Variants in SYNDIG1L observed in about 807,000 individuals in gnomAD.
SYNDIG1L encodes synapse differentiation inducing 1 like.
A neutral mutation model predicts 20.1 loss-of-function variants in SYNDIG1L; 13 were observed. The ratio of observed to expected loss-of-function variants is 0.65; its 90% CI spans 0.42 to 1.03. The LOEUF is 1.03. Among genes scored for constraint, SYNDIG1L ranks in the 50% least tolerant of loss-of-function variants. The pLI is 0.00. For synonymous variants in SYNDIG1L, 128 were observed against 129.3 expected, an observed-to-expected ratio of 0.99 and a Z score of 0.07; for missense variants, 294 against 305.1, an observed-to-expected ratio of 0.96 and a Z score of 0.27.
the SYNDIG1L span, among the ~76,000 whole-genome samples, chr14:74,469,537 A>T: frequency 6.6e-6 from 1 of 151,966 alleles, no homozygotes; most frequent in Non-Finnish European, 1.5e-5. Flanking sequence ...AAAGAAGAAG[A>T]AGAAAATGTG....
intron 2 of SYNDIG1L, 146 bp downstream of exon 2, chr14:74,409,182 A>C (rs2086109957): frequency 4.0e-6 from 2 of 503,036 alleles, no homozygotes; most frequent in Non-Finnish European, 3.4e-6. Context: ...GGGCTCAAGC[A>C]ATCCTCTCAC....
chr14:74,458,693 C>T, the SYNDIG1L span, among the ~76,000 whole-genome samples: 1 of 151,328 alleles, frequency 6.6e-6, no homozygotes, highest in African/African-American at 2.4e-5. Flanking sequence ...ATTATAGCAT[C>T]ACCCAGAAAA....
At chr14:74,443,757 G>T in the SYNDIG1L span, among the ~76,000 whole-genome samples, 1 of 152,200 alleles carries the variant, frequency 6.6e-6, no homozygotes, top group Admixed American at 6.5e-5. Context: ...TGGCTGAAAA[G>T]GGAAGAGATT....
intron 1 of SYNDIG1L, among the ~76,000 whole-genome samples, chr14:74,420,759 AC>A (rs1405792778): frequency 6.6e-6 from 1 of 152,220 alleles, no homozygotes; most frequent in Non-Finnish European, 1.5e-5. Context: ...CCTGTGGAAA[AC>A]AAAAAAGAAT....
At chr14:74,470,129 T>C in the SYNDIG1L span, among the ~76,000 whole-genome samples, 1 of 152,130 alleles carries the variant, frequency 6.6e-6, no homozygotes, top group Non-Finnish European at 1.5e-5. Context: ...TCACCTCTAA[T>C]TTCTCTGGCA....
chr14:74,463,653 C>T, the SYNDIG1L span, among the ~76,000 whole-genome samples: 1 of 152,172 alleles, frequency 6.6e-6, no homozygotes, highest in African/African-American at 2.4e-5. Context: ...ATCCATCAAC[C>T]TCAGATGGAG....
At chr14:74,443,436 C>T in the SYNDIG1L span, among the ~76,000 whole-genome samples, 98 of 152,090 alleles carry the variant, frequency 6.4e-4, no homozygotes, top group African/African-American at 2.2e-3. Context: ...AAGCCAAGGC[C>T]GAGGATTCAG....
chr14:74,446,116 A>T, the SYNDIG1L span, among the ~76,000 whole-genome samples: 1 of 152,176 alleles, frequency 6.6e-6, no homozygotes, highest in Non-Finnish European at 1.5e-5. Flanking sequence ...AAAGTAAGGA[A>T]TTTAAAGAAC....
intron 1 of SYNDIG1L, among the ~76,000 whole-genome samples, chr14:74,418,095 G>A (rs1315676843): frequency 2.6e-5 from 4 of 152,180 alleles, no homozygotes; most frequent in Non-Finnish European, 4.4e-5. Flanking sequence ...TAGAACAGGC[G>A]CTAGACCGTC....
In SYNDIG1L at chr14:74,406,254, G is replaced by A. The variant is rs1323186317; in HGVS notation, c.*1281C>T. 2 of 396,738 alleles carry A rather than the reference G, an allele frequency of 5.0e-6. No homozygotes were observed. Among genetic ancestry groups the A allele is most frequent in the East Asian group, 7.1e-5 (2 of 28,020 alleles). The allele number at this position is 396,738 out of a possible 1,614,324, so 24.6% of individuals were successfully genotyped here. ...GTGAAGATGCCCCAGGGGTAACCAG[G>A]TACCCACCACTGACCCCCTAGCATT... On this transcript the variant is annotated 3_prime_UTR_variant, in exon 4 of 4. Coordinates refer to ENST00000331628, the MANE Select transcript of SYNDIG1L (RefSeq NM_001105579.2).
At chr14:74,469,580 C>G in the SYNDIG1L span, among the ~76,000 whole-genome samples, 1 of 151,994 alleles carries the variant, frequency 6.6e-6, no homozygotes, top group African/African-American at 2.4e-5. Flanking sequence ...CCCTAGACTG[C>G]AGCAGGCATC....
chr14:74,453,699 T>A, the SYNDIG1L span, among the ~76,000 whole-genome samples: 1 of 152,156 alleles, frequency 6.6e-6, no homozygotes, highest in Non-Finnish European at 1.5e-5. Flanking sequence ...ACACCTGTAA[T>A]CCTAGAACTT....
chr14:74,431,485 T>C, the SYNDIG1L span, among the ~76,000 whole-genome samples: 2 of 152,206 alleles, frequency 1.3e-5, no homozygotes, highest in Non-Finnish European at 2.9e-5. Flanking sequence ...GACTGTCTAC[T>C]CTGTATTAGA....
At chr14:74,469,321 G>T in the SYNDIG1L span, among the ~76,000 whole-genome samples, 1 of 140,296 alleles carries the variant, frequency 7.1e-6, no homozygotes, top group Non-Finnish European at 1.5e-5. Flanking sequence ...ATTGAACAAT[G>T]AGAACACTTG....
At chr14:74,476,107 C>T in the SYNDIG1L span, 5 of 302,088 alleles carry the variant, frequency 1.7e-5, no homozygotes, top group African/African-American at 1.1e-4. Flanking sequence ...TGTGTGTACA[C>T]TGAGAATCTC....
chr14:74,446,252 T>C, the SYNDIG1L span, among the ~76,000 whole-genome samples: 1 of 152,200 alleles, frequency 6.6e-6, no homozygotes, highest in African/African-American at 2.4e-5. Context: ...AGAAACAGCC[T>C]AAATATTCCA....
At chr14:74,449,438 C>CAAAAAAA in the SYNDIG1L span, among the ~76,000 whole-genome samples, 395 of 34,016 alleles carry the variant, frequency 0.012, 127 homozygotes, top group Non-Finnish European at 0.017. Flanking sequence ...CCTGTCTTTA[C>CAAAAAAA]AAAAAAAAAA....
chr14:74,409,641 T>C lies in SYNDIG1L; in HGVS notation c.104A>G (p.Gln35Arg), dbSNP rs746210544. The change falls in exon 2 of 4, where the codon CAG becomes CGG. Residue 35 changes from glutamine (Q) to arginine (R), a missense_variant. Transcript: ENST00000331628. ...YPETPPSWSC[Q>R]EKLYSYLLGG... is the part of the protein sequence containing the mutation. Reference sequence around the variant, plus strand: ...TAGGAGGTAGGAGTAGAGCTTTTCCTGGCAGGACCAGCTGGGTGGGGTCTC... The same window carrying C: ...TAGGAGGTAGGAGTAGAGCTTTTCCCGGCAGGACCAGCTGGGTGGGGTCTC... 1 of 1,493,008 alleles carries C rather than the reference T, an allele frequency of 6.7e-7. No homozygotes were observed. Among genetic ancestry groups the C allele is most frequent in the Admixed American group, 2.4e-5 (1 of 41,544 alleles). The allele number at this position is 1,493,008 out of a possible 1,614,324, so 92.5% of individuals were successfully genotyped here.
chr14:74,460,381 CAGCT>C, the SYNDIG1L span, among the ~76,000 whole-genome samples: 1 of 152,178 alleles, frequency 6.6e-6, no homozygotes, highest in African/African-American at 2.4e-5. Context: ...ACCCTCCCAC[CAGCT>C]TGGTCACTCT....
Sources: allele counts gnomAD v4.1 joint callset (sites outside exome capture counted in the v4.1 genomes callset), GRCh38; gene constraint gnomAD v4.1.1; transcripts MANE v1.5; gene names NCBI Gene and HGNC (gene_info 2026-07-23, HGNC 2026-07-21).